The following LRRC4C variants were observed in gnomAD, a reference collection of about 807,000 sequenced individuals.
The protein encoded by LRRC4C is leucine-rich repeat-containing protein 4C.
In LRRC4C, 5 loss-of-function variants were observed where a neutral mutation model predicts 33.6. That is an observed-to-expected ratio of 0.15 (90% CI 0.08 to 0.31). The LOEUF is 0.31. Among genes scored for constraint, LRRC4C ranks in the 10% least tolerant of loss-of-function variants. The pLI, the probability that LRRC4C is intolerant of heterozygous loss-of-function variation, is 1.00. For missense variants in LRRC4C, 560 were observed against 796.7 expected (o/e 0.70, Z 3.58); for synonymous variants, 329 against 302.0 (o/e 1.09, Z -0.93).
intron 2 of LRRC4C, among the ~76,000 whole-genome samples, chr11:40,709,634 A>C (rs553455219): frequency 6.6e-5 from 10 of 152,016 alleles, no homozygotes; most frequent in Non-Finnish European, 1.3e-4. Flanking sequence ...GGCTGCCCTT[A>C]ATATTTTTTC....
At chr11:41,225,132 A>T (rs1022465281) in intron 1 of LRRC4C, among the ~76,000 whole-genome samples, 1 of 152,112 alleles carries the variant, frequency 6.6e-6, no homozygotes. Flanking sequence ...GAGGTTGGGG[A>T]GGCCGGGTAG....
intron 4 of LRRC4C, among the ~76,000 whole-genome samples, chr11:40,247,924 G>GT (rs1308780599): frequency 6.6e-6 from 1 of 152,156 alleles, no homozygotes; most frequent in Non-Finnish European, 1.5e-5. Context: ...AGAAAATGAT[G>GT]TTATGTCTCT....
intron 1 of LRRC4C, among the ~76,000 whole-genome samples, chr11:41,458,257 C>T (rs1420388415): frequency 3.3e-5 from 5 of 152,066 alleles, no homozygotes; most frequent in Non-Finnish European, 5.9e-5. Flanking sequence ...GCTAACAGTC[C>T]ATGAACTAAC....
intron 1 of LRRC4C, among the ~76,000 whole-genome samples, chr11:41,347,298 C>T (rs978867583): frequency 6.6e-6 from 1 of 152,246 alleles, no homozygotes; most frequent in South Asian, 2.1e-4. Context: ...CTCTAGTATA[C>T]TTACTGAACT....
rs116316203 is a variant in LRRC4C at position 41,071,501 on chromosome 11, A to G, written c.-495-137778T>C. 5.5e-3 allele frequency among the ~76,000 whole-genome samples: 833 copies of G among 152,352 alleles called. 5 individuals carry two copies. The highest frequency in any genetic ancestry group is 0.018 in the African/African-American group (733 of 41,594). On this transcript the variant is annotated intron_variant, in intron 1 of 6. Transcript: ENST00000528697. Reference sequence around the variant, plus strand: ...GCGAACTCTGCTCTTTCTCTGCTCTATAAATGAAACAGCAAAGCCTAGATG... The same window carrying G: ...GCGAACTCTGCTCTTTCTCTGCTCTGTAAATGAAACAGCAAAGCCTAGATG...
At chr11:40,560,322 A>T (rs546935006) in intron 3 of LRRC4C, among the ~76,000 whole-genome samples, 1 of 152,244 alleles carries the variant, frequency 6.6e-6, no homozygotes, top group South Asian at 2.1e-4. Context: ...ACTCGTCACA[A>T]CCAAATGAAG....
At chr11:40,130,625 A>T (rs1483942015) in intron 6 of LRRC4C, among the ~76,000 whole-genome samples, 3 of 152,118 alleles carry the variant, frequency 2.0e-5, no homozygotes, top group African/African-American at 4.8e-5. Context: ...CTCAGTTGTG[A>T]CAATCTACAG....
At chr11:40,243,630 A>T (rs1376443314) in intron 4 of LRRC4C, among the ~76,000 whole-genome samples, 1 of 151,008 alleles carries the variant, frequency 6.6e-6, no homozygotes, top group East Asian at 1.9e-4. Flanking sequence ...TAAATTTTAT[A>T]TAATTTTGTT....
chr11:40,716,518 A>T (rs1181870745), intron 2 of LRRC4C, among the ~76,000 whole-genome samples: 2 of 152,158 alleles, frequency 1.3e-5, no homozygotes, highest in African/African-American at 4.8e-5. Flanking sequence ...AGGAGGTCAT[A>T]GCAAATATTT....
intron 1 of LRRC4C, among the ~76,000 whole-genome samples, chr11:41,442,445 T>G (rs1955651889): frequency 6.8e-6 from 1 of 146,632 alleles, no homozygotes; most frequent in Non-Finnish European, 1.5e-5. Flanking sequence ...TTCTCTCTCT[T>G]TGTTGCTTTT....
intron 2 of LRRC4C, among the ~76,000 whole-genome samples, chr11:40,771,738 A>G (rs575090989): frequency 6.6e-6 from 1 of 152,262 alleles, no homozygotes; most frequent in South Asian, 2.1e-4. Context: ...GCTAAAGCAT[A>G]GCAATAGTCA....
intron 5 of LRRC4C, among the ~76,000 whole-genome samples, chr11:40,184,897 CT>C (rs1432469090): frequency 1.9e-4 from 29 of 152,218 alleles, no homozygotes; most frequent in Non-Finnish European, 3.5e-4. Context: ...AGGCTGCCTC[CT>C]TTCTGCTGCG....
chr11:40,746,375 T>A (rs745411784), intron 2 of LRRC4C, among the ~76,000 whole-genome samples: 1 of 152,086 alleles, frequency 6.6e-6, no homozygotes, highest in Non-Finnish European at 1.5e-5. Context: ...CTAGCAACAC[T>A]GGGGCTGAGA....
chr11:41,344,313 C>T (rs544795446), intron 1 of LRRC4C, among the ~76,000 whole-genome samples: 19 of 151,456 alleles, frequency 1.3e-4, no homozygotes, highest in African/African-American at 4.1e-4. Context: ...TGCAACCTCC[C>T]GGGTTCATGC....
At chr11:41,128,840 T>A (rs1942876735) in intron 1 of LRRC4C, among the ~76,000 whole-genome samples, 2 of 152,068 alleles carry the variant, frequency 1.3e-5, no homozygotes, top group South Asian at 4.1e-4. Flanking sequence ...AAAAGTTACA[T>A]CCTGTGAGGA....
At chr11:40,274,567 A>C (rs556067590) in intron 4 of LRRC4C, among the ~76,000 whole-genome samples, 2 of 152,190 alleles carry the variant, frequency 1.3e-5, no homozygotes, top group South Asian at 4.2e-4. Flanking sequence ...GAGGGCAAGA[A>C]GTGGCAAAGA....
intron 3 of LRRC4C, among the ~76,000 whole-genome samples, chr11:40,435,567 T>C (rs1392532326): frequency 6.6e-6 from 1 of 152,084 alleles, no homozygotes; most frequent in South Asian, 2.1e-4. Context: ...GGAAGAGCAA[T>C]GGTGAGGACT....
chr11:41,364,464 C>CGAG (rs1438761715), intron 1 of LRRC4C, among the ~76,000 whole-genome samples: 1 of 151,896 alleles, frequency 6.6e-6, no homozygotes, highest in Non-Finnish European at 1.5e-5. Context: ...TTTAGTAGGA[C>CGAG]GAGGTTTCAC....
chr11:40,677,447 G>A (rs1315057533), intron 2 of LRRC4C, among the ~76,000 whole-genome samples: 1 of 152,044 alleles, frequency 6.6e-6, no homozygotes, highest in African/African-American at 2.4e-5. Context: ...TCCAATAATA[G>A]ACACATTTAA....
Sources: allele counts gnomAD v4.1 joint callset (sites outside exome capture counted in the v4.1 genomes callset), GRCh38; gene constraint gnomAD v4.1.1; transcripts MANE v1.5; gene names NCBI Gene and HGNC (gene_info 2026-07-23, HGNC 2026-07-21).